HSD17B4: variants seen among roughly 807,000 people sequenced by gnomAD.
The protein encoded by HSD17B4 is peroxisomal multifunctional enzyme type 2.
In HSD17B4, 70 loss-of-function variants were observed where a neutral mutation model predicts 101.0. That is an observed-to-expected ratio of 0.69 (90% CI 0.57 to 0.85). The LOEUF (loss-of-function observed/expected upper bound fraction) is 0.85. Ranked by LOEUF, HSD17B4 falls within the 40% of genes least tolerant of loss-of-function variation. HSD17B4 has a pLI of 0.00. For synonymous variants in HSD17B4, 347 were observed against 297.1 expected, an observed-to-expected ratio of 1.17 and a Z score of -1.73; for missense variants, 984 against 892.4, an observed-to-expected ratio of 1.10 and a Z score of -1.31.
Position 119,505,203 on chromosome 5 carries a change from T to A in HSD17B4, c.1262-1615T>A, listed in dbSNP as rs559844671. On this transcript the variant is annotated intron_variant, in intron 14 of 23. Coordinates refer to ENST00000510025, the MANE Select transcript of HSD17B4 (RefSeq NM_000414.4). ...TACTTCCAGCTTTGTTTTTTTTTTT[T>A]ACTTGGGATTGCTTTGACTATTCTG... Among the ~76,000 whole-genome samples, 385 of 148,060 alleles carry A rather than the reference T, an allele frequency of 2.6e-3. 1 individual carries two copies. Among genetic ancestry groups the A allele is most frequent in the African/African-American group, 9.4e-3 (377 of 40,116 alleles).
intron 2 of HSD17B4, chr5:119,464,674 C>G (rs1442909525): frequency 6.6e-6 from 1 of 151,558 alleles, no homozygotes; most frequent in Non-Finnish European, 1.5e-5. Context: ...CTCACTGCAA[C>G]CTTCACCTCC....
chr5:119,526,696 A>G lies in HSD17B4; in HGVS notation c.1681-437A>G, dbSNP rs145290302. 3.6e-3 allele frequency among the ~76,000 whole-genome samples: 544 copies of G among 152,112 alleles called. 2 individuals are homozygous for G. The highest frequency in any genetic ancestry group is 6.2e-3 in the Non-Finnish European group (423 of 67,878). Reference sequence around the variant, plus strand: ...TTGTTACAACTATTTTTTATTATCCAGTAATATATACACAGAGAAAATAAT... The same window carrying G: ...TTGTTACAACTATTTTTTATTATCCGGTAATATATACACAGAGAAAATAAT... On this transcript the variant is annotated intron_variant, in intron 19 of 23. Coordinates refer to ENST00000510025, the MANE Select transcript of HSD17B4 (RefSeq NM_000414.4).
chr5:119,521,832 C>T (rs1170104051), intron 17 of HSD17B4, among the ~76,000 whole-genome samples: 1 of 150,384 alleles, frequency 6.6e-6, no homozygotes, highest in South Asian at 2.1e-4. Flanking sequence ...TGTTTTGTTA[C>T]AGTTTTCTTC....
At chr5:119,472,644 G>C (rs1756489762) in intron 2 of HSD17B4, 1 of 152,214 alleles carries the variant, frequency 6.6e-6, no homozygotes, top group South Asian at 2.1e-4. Flanking sequence ...ATGTTGGCCA[G>C]GCTGGTCTTG....
At chr5:119,479,879 A>G (rs982822759) in intron 8 of HSD17B4, among the ~76,000 whole-genome samples, 4 of 152,138 alleles carry the variant, frequency 2.6e-5, no homozygotes, top group African/African-American at 9.7e-5. Flanking sequence ...GATGGATGCT[A>G]TGATAAGACT....
At chr5:119,472,500 C>G (rs1460327325) in intron 2 of HSD17B4, 1 of 151,770 alleles carries the variant, frequency 6.6e-6, no homozygotes, top group Non-Finnish European at 1.5e-5. Context: ...GTGGCACGAT[C>G]TCAGTTCACT....
At chr5:119,490,955 A>G (rs1245184845) in intron 9 of HSD17B4, among the ~76,000 whole-genome samples, 15 of 152,176 alleles carry the variant, frequency 9.9e-5, no homozygotes, top group Non-Finnish European at 2.1e-4. Flanking sequence ...TTCTTTTACT[A>G]TATTGTGAAC....
chr5:119,510,817 C>G (rs1211387275), intron 16 of HSD17B4, among the ~76,000 whole-genome samples: 1 of 152,224 alleles, frequency 6.6e-6, no homozygotes, highest in African/African-American at 2.4e-5. Flanking sequence ...TAGGAGCCCT[C>G]TGCCATGCTG....
At chr5:119,532,798 C>T (rs1580715152) in intron 22 of HSD17B4, among the ~76,000 whole-genome samples, 1 of 152,014 alleles carries the variant, frequency 6.6e-6, no homozygotes, top group Non-Finnish European at 1.5e-5. Flanking sequence ...ATAGTCTGCT[C>T]TTGAAAATTA....
intron 12 of HSD17B4, among the ~76,000 whole-genome samples, chr5:119,498,062 C>G (rs1242939759): frequency 1.3e-5 from 2 of 152,094 alleles, no homozygotes; most frequent in Non-Finnish European, 2.9e-5. Flanking sequence ...ATTGTGATAG[C>G]TCATGTGAAA....
intron 8 of HSD17B4, among the ~76,000 whole-genome samples, chr5:119,483,025 G>C (rs187293061): frequency 2.6e-5 from 4 of 152,092 alleles, no homozygotes; most frequent in Admixed American, 6.6e-5. Context: ...CTTCAGAGCA[G>C]GCCTTAAGTA....
In HSD17B4 at chr5:119,470,444, C is replaced by T. The variant is rs551784434; in HGVS notation, c.113-3464C>T. On this transcript the variant is annotated intron_variant, in intron 2 of 23. Transcript: ENST00000510025. ...CTTGGGTCTCATGGGATAGGGAGGA[C>T]TCAGCTTGTGTTTCTTTTCAGGAGC... Among the ~76,000 whole-genome samples the T allele has an allele frequency of 1.4e-4, 22 of 152,256 alleles. No individual in the cohort carries two copies. The East Asian group carries it at 3.9e-3, about 27-fold the overall frequency.
rs769074996 is a variant in HSD17B4 at position 119,499,472 on chromosome 5, C to T, written c.1128C>T (p.Thr376=). Residue 376 remains threonine, a synonymous_variant, in exon 13 of 24, where the codon ACC becomes ACT. Coordinates refer to ENST00000510025, the MANE Select transcript of HSD17B4 (RefSeq NM_000414.4). ...EGSSDFSCLP[T]FGVIIGQKSM... is the part of the protein sequence containing the mutation. ...GTTCTGATTTCTCCTGTTTGCCCAC[C>T]TTCGGAGTTATCATAGGTCAGAAAT... 1.2e-6 allele frequency: 2 copies of T among 1,613,724 alleles called. No homozygotes were observed. Among genetic ancestry groups the T allele is most frequent in the South Asian group, 2.2e-5 (2 of 91,078 alleles).
intron 17 of HSD17B4, among the ~76,000 whole-genome samples, chr5:119,520,609 T>G (rs1051915239): frequency 3.9e-5 from 6 of 152,262 alleles, no homozygotes; most frequent in African/African-American, 1.4e-4. Context: ...TCATCTTGTT[T>G]GTTTCTTTTC....
chr5:119,530,219 C>A, intron 21 of HSD17B4: 2 of 455,100 alleles, frequency 4.4e-6, no homozygotes, highest in Non-Finnish European at 7.9e-6. Context: ...ACATAATTTT[C>A]TAGTTTTAGA....
intron 11 of HSD17B4, among the ~76,000 whole-genome samples, chr5:119,496,194 C>A (rs1032923392): frequency 6.6e-5 from 10 of 152,096 alleles, no homozygotes; most frequent in African/African-American, 2.4e-4. Flanking sequence ...AGTGATCTCT[C>A]CATCAGACAA....
intron 1 of HSD17B4, chr5:119,452,939 C>G: frequency 8.9e-7 from 1 of 1,126,460 alleles, no homozygotes; most frequent in Non-Finnish European, 1.3e-6. Context: ...TGACCCTTAT[C>G]TGTGGGCATC....
rs535656381 is a variant in HSD17B4 at position 119,473,618 on chromosome 5, C to T, written c.113-290C>T. On this transcript the variant is annotated intron_variant, in intron 2 of 23. Coordinates refer to ENST00000510025, the MANE Select transcript of HSD17B4 (RefSeq NM_000414.4). ...AATTACGGGTATAAGCCACCATGCCCAGTCTTCTTTACTTTTTGAAAGAGG... is the reference window on the plus strand; with the variant it reads ...AATTACGGGTATAAGCCACCATGCCTAGTCTTCTTTACTTTTTGAAAGAGG... Among the ~76,000 whole-genome samples, 12 of 152,206 alleles carry T rather than the reference C, an allele frequency of 7.9e-5. No individual in the cohort carries two copies. The East Asian group carries it at 1.9e-3, about 24-fold the overall frequency.
chr5:119,463,644 C>T (rs1364298944), intron 2 of HSD17B4, among the ~76,000 whole-genome samples: 1 of 114,904 alleles, frequency 8.7e-6, no homozygotes, highest in Non-Finnish European at 1.9e-5. Context: ...ACTTCTTGGC[C>T]ATTTATATGT....
Sources: allele counts gnomAD v4.1 joint callset (sites outside exome capture counted in the v4.1 genomes callset), GRCh38; gene constraint gnomAD v4.1.1; transcripts MANE v1.5; gene names NCBI Gene and HGNC (gene_info 2026-07-23, HGNC 2026-07-21).